The following CLEC3B variants were observed in gnomAD, a reference collection of about 807,000 sequenced individuals.
CLEC3B encodes tetranectin.
In CLEC3B, 13 loss-of-function variants were observed where a neutral mutation model predicts 15.4. That is an observed-to-expected ratio of 0.84 (90% confidence interval 0.55 to 1.34). The LOEUF is 1.34. CLEC3B is among the 40% of genes most tolerant of loss of function. CLEC3B has a pLI of 0.00. For missense variants in CLEC3B, 242 were observed against 268.6 expected (o/e 0.90, Z 0.69); for synonymous variants, 112 against 114.7 (o/e 0.98, Z 0.15).
At chr3:45,030,211 T>A in intron 1 of CLEC3B, 1 of 986,004 alleles carries the variant, frequency 1.0e-6, no homozygotes, top group South Asian at 4.7e-5. Context: ...GTAGCTGTGA[T>A]GGGCACACAC....
At position 45,035,838 on chromosome 3, in the gene CLEC3B, G is replaced by A. The variant is rs760733462; in HGVS notation, c.523G>A (p.Val175Ile). The A allele has an allele frequency of 6.2e-7, 1 of 1,613,054 alleles. No individual in the cohort carries two copies. Among genetic ancestry groups the A allele is most frequent in the Non-Finnish European group, 8.5e-7 (1 of 1,179,936 alleles). The change falls in exon 3 of 3, where the codon GTC (valine) becomes ATC (isoleucine). Residue 175 changes from valine (V) to isoleucine (I), a missense_variant. Transcript: ENST00000296130. ...TGGCGGCAAGACCGAGAACTGCGCGGTCCTGTCAGGCGCGGCCAACGGCAA... is the reference window on the plus strand; with the variant it reads ...TGGCGGCAAGACCGAGAACTGCGCGATCCTGTCAGGCGCGGCCAACGGCAA... Reference protein sequence around the residue: ...PDGGKTENCAVLSGAANGKWF... With the variant: ...PDGGKTENCAILSGAANGKWF...
intron 1 of CLEC3B, among the ~76,000 whole-genome samples, chr3:45,029,483 G>A (rs923240604): frequency 6.6e-6 from 1 of 152,196 alleles, no homozygotes; most frequent in African/African-American, 2.4e-5. Flanking sequence ...CCTCAGGCTG[G>A]TTTGCCAGCC....
intron 1 of CLEC3B, among the ~76,000 whole-genome samples, chr3:45,028,555 G>C (rs367880302): frequency 1.1e-4 from 17 of 152,132 alleles, no homozygotes; most frequent in Non-Finnish European, 1.5e-5. Context: ...GTGAGACTCC[G>C]TCTCAAAAAT....
chr3:45,030,677 T>TTG (rs1460355498), intron 1 of CLEC3B, 150 bp from the exon 2 acceptor site: 7 of 611,196 alleles, frequency 1.1e-5, no homozygotes, highest in Non-Finnish European at 1.8e-5. Context: ...AAGTGGTTAA[T>TTG]TAGACTACCA....
intron 2 of CLEC3B, among the ~76,000 whole-genome samples, chr3:45,034,270 T>C (rs1697605624): frequency 6.6e-6 from 1 of 152,188 alleles, no homozygotes; most frequent in African/African-American, 2.4e-5. Flanking sequence ...AGCTGTAGGA[T>C]AGCACGAGGT....
chr3:45,035,578 C>G lies in CLEC3B; in HGVS notation c.263C>G (p.Thr88Arg), dbSNP rs1376475034. Reference protein sequence around the residue: ...HMKCFLAFTQTKTFHEASEDC... With the variant: ...HMKCFLAFTQRKTFHEASEDC... ...AAATGCTTTCTGGCCTTCACCCAGA[C>G]GAAGACCTTCCACGAGGCCAGCGAG... Residue 88 changes from threonine to arginine, a missense_variant, in exon 3 of 3, where the codon ACG becomes AGG. By Grantham distance (71) the Thr-to-Arg change is moderately conservative. Transcript: ENST00000296130. The G allele has an allele frequency of 3.7e-6, 6 of 1,613,688 alleles. No homozygotes were observed. The highest frequency in any genetic ancestry group is 4.2e-6 in the Non-Finnish European group (5 of 1,179,858).
In CLEC3B at chr3:45,035,240, C is replaced by G. The variant is rs139160112; in HGVS notation, c.209-284C>G. 5.3e-5 allele frequency among the ~76,000 whole-genome samples: 8 copies of G among 152,286 alleles called. No homozygotes were observed. The East Asian group carries it at 1.6e-3, about 30-fold the overall frequency. The stretch of plus-strand genomic sequence containing the variant: ...GTGGAGGCCTGGGAAGGGGTGTCAG[C>G]TGGGGCTGGGTGCTTCTGTAGCACA... On this transcript the variant is annotated intron_variant, in intron 2 of 2. Transcript: ENST00000296130.
Position 45,035,517 on chromosome 3 carries a change from C to T in CLEC3B, c.209-7C>T, listed in dbSNP as rs538756381. ...CTTCGGTGACAGCCATTTCTCCCCA[C>T]TCCCAGTCTGCCTGAAGGGGACCAA... On this transcript the variant is annotated splice_region_variant and splice_polypyrimidine_tract_variant and intron_variant, in intron 2 of 2. Transcript: ENST00000296130. 3.8e-6 allele frequency: 6 copies of T among 1,583,518 alleles called. No individual in the cohort carries two copies. The East Asian group carries it at 1.1e-4, about 30-fold the overall frequency.
At chr3:45,034,923 T>A (rs1697616108) in intron 2 of CLEC3B, among the ~76,000 whole-genome samples, 1 of 152,150 alleles carries the variant, frequency 6.6e-6, no homozygotes, top group South Asian at 2.1e-4. Context: ...GGGCCCTGGG[T>A]ACATGAAGTG....
At chr3:45,029,358 C>G (rs537323334) in intron 1 of CLEC3B, among the ~76,000 whole-genome samples, 2 of 152,346 alleles carry the variant, frequency 1.3e-5, no homozygotes, top group South Asian at 4.1e-4. Context: ...GCAGAATGCC[C>G]TTCTTCAGTG....
intron 2 of CLEC3B, 74 bp downstream of exon 2, chr3:45,030,999 T>G (rs1398409895): frequency 1.4e-5 from 15 of 1,042,134 alleles, no homozygotes; most frequent in East Asian, 2.6e-5. Context: ...AGCAATGCTC[T>G]TCTCGCCTCC....
chr3:45,030,033 C>G, intron 1 of CLEC3B: 1 of 424,720 alleles, frequency 2.4e-6, no homozygotes, highest in Non-Finnish European at 3.1e-6. Context: ...TTTAGGGCAG[C>G]CTGGGTTTCC....
chr3:45,035,119 G>A (rs1043822393), intron 2 of CLEC3B, among the ~76,000 whole-genome samples: 1 of 152,234 alleles, frequency 6.6e-6, no homozygotes, highest in African/African-American at 2.4e-5. Flanking sequence ...GGGGGAAGAG[G>A]AAGTGGGCAG....
intron 2 of CLEC3B, among the ~76,000 whole-genome samples, chr3:45,033,261 G>T (rs1023003832): frequency 2.0e-5 from 3 of 152,110 alleles, no homozygotes; most frequent in Non-Finnish European, 4.4e-5. Flanking sequence ...AATGAGGTGG[G>T]GACCTCCCTG....
intron 1 of CLEC3B, 123 bp downstream of exon 1, chr3:45,026,594 G>T (rs1697488941): frequency 2.4e-6 from 2 of 836,056 alleles, no homozygotes; most frequent in South Asian, 1.6e-5. Context: ...CTTGAGTAAA[G>T]TGGGCTTTGG....
chr3:45,031,186 C>T (rs1697548600), intron 2 of CLEC3B, among the ~76,000 whole-genome samples: 1 of 152,206 alleles, frequency 6.6e-6, no homozygotes, highest in Admixed American at 6.5e-5. Flanking sequence ...GGGGATGTCC[C>T]AAGAGGACAA....
At chr3:45,028,888 T>C (rs1321933435) in intron 1 of CLEC3B, among the ~76,000 whole-genome samples, 1 of 151,888 alleles carries the variant, frequency 6.6e-6, no homozygotes, top group African/African-American at 2.4e-5. Context: ...GCCCTCAGGG[T>C]GGGTGAGAAG....
chr3:45,026,582 A>T (rs2301282), intron 1 of CLEC3B, 111 bp downstream of exon 1: 1 of 954,350 alleles, frequency 1.0e-6, no homozygotes, highest in Non-Finnish European at 1.6e-6. Flanking sequence ...TCATCTAGGG[A>T]ACTTGAGTAA....
chr3:45,027,236 T>G (rs1382027186), intron 1 of CLEC3B, among the ~76,000 whole-genome samples: 2 of 151,866 alleles, frequency 1.3e-5, no homozygotes, highest in African/African-American at 4.8e-5. Flanking sequence ...GGGATGAGGG[T>G]GGGGACTGAG....
Sources: allele counts gnomAD v4.1 joint callset (sites outside exome capture counted in the v4.1 genomes callset), GRCh38; gene constraint gnomAD v4.1.1; transcripts MANE v1.5; gene names NCBI Gene and HGNC (gene_info 2026-07-23, HGNC 2026-07-21).